VTI1A: variants seen among roughly 807,000 people sequenced by gnomAD.
VTI1A encodes the protein vesicle transport through interaction with t-SNAREs homolog 1A.
Under a neutral mutation model 34.9 loss-of-function variants are expected in VTI1A, and 22 were observed. That is an observed-to-expected ratio of 0.63 (90% confidence interval 0.45 to 0.90). The LOEUF (loss-of-function observed/expected upper bound fraction) is 0.90. Ranked by LOEUF, VTI1A falls within the 40% of genes least tolerant of loss-of-function variation. The pLI, the probability that VTI1A is intolerant of heterozygous loss-of-function variation, is 0.00. For synonymous variants in VTI1A, 87 were observed against 97.3 expected (o/e 0.89, Z 0.62); for missense variants, 268 against 275.6 (o/e 0.97, Z 0.20).
chr10:112,733,369 C>T (rs1850337606), intron 7 of VTI1A, among the ~76,000 whole-genome samples: 1 of 152,134 alleles, frequency 6.6e-6, no homozygotes. Context: ...CAACCCCATG[C>T]CCATTAAACA....
chr10:112,652,541 CA>C (rs960980538), intron 5 of VTI1A, among the ~76,000 whole-genome samples: 63 of 151,810 alleles, frequency 4.1e-4, no homozygotes, highest in Non-Finnish European at 1.2e-4. Context: ...GGCAACATGA[CA>C]AAACCCCATC....
chr10:112,790,208 G>T (rs1284264203), intron 7 of VTI1A, among the ~76,000 whole-genome samples: 2 of 152,006 alleles, frequency 1.3e-5, no homozygotes, highest in African/African-American at 4.8e-5. Flanking sequence ...CCAATGACTG[G>T]GCAGAGATTG....
At chr10:112,700,223 C>A (rs1458417079) in intron 7 of VTI1A, among the ~76,000 whole-genome samples, 1 of 151,234 alleles carries the variant, frequency 6.6e-6, no homozygotes, top group Non-Finnish European at 1.5e-5. Context: ...CTTAAGAACT[C>A]TGCCAAAAAT....
chr10:112,754,418 A>G (rs1401544299), intron 7 of VTI1A, among the ~76,000 whole-genome samples: 1 of 152,192 alleles, frequency 6.6e-6, no homozygotes, highest in African/African-American at 2.4e-5. Flanking sequence ...CAGTGCTCCC[A>G]GGAAGTTTCT....
At chr10:112,464,306 A>G (rs1445415135) in intron 2 of VTI1A, among the ~76,000 whole-genome samples, 2 of 152,246 alleles carry the variant, frequency 1.3e-5, no homozygotes, top group East Asian at 3.8e-4. Context: ...CCAAATGTAT[A>G]TGTTTTAACA....
intron 3 of VTI1A, among the ~76,000 whole-genome samples, chr10:112,505,381 G>C (rs1849390865): frequency 6.6e-6 from 1 of 152,034 alleles, no homozygotes; most frequent in South Asian, 2.1e-4. Context: ...TTGCAATTCA[G>C]TTTATTCTCT....
chr10:112,682,614 C>G, intron 7 of VTI1A, among the ~76,000 whole-genome samples: 1 of 152,310 alleles, frequency 6.6e-6, no homozygotes, highest in East Asian at 1.9e-4. Flanking sequence ...TCCTTAAGAA[C>G]TTTTGCTAAG....
intron 7 of VTI1A, among the ~76,000 whole-genome samples, chr10:112,682,914 G>A (rs938719809): frequency 6.6e-6 from 1 of 152,250 alleles, no homozygotes; most frequent in East Asian, 1.9e-4. Flanking sequence ...CAGATGGCTG[G>A]AGGGGGTGCC....
chr10:112,849,451 G>A, the VTI1A span, among the ~76,000 whole-genome samples: 1 of 152,190 alleles, frequency 6.6e-6, no homozygotes, highest in Non-Finnish European at 1.5e-5. Context: ...TTCCTCCACA[G>A]TGAAATAGAC....
At chr10:112,518,581 C>CTATATATATA (rs1208931745) in intron 3 of VTI1A, among the ~76,000 whole-genome samples, 2 of 84,230 alleles carry the variant, frequency 2.4e-5, no homozygotes, top group East Asian at 8.1e-4. Flanking sequence ...CTCTCTCTCT[C>CTATATATATA]TCTCTCTCTA....
intron 3 of VTI1A, among the ~76,000 whole-genome samples, chr10:112,498,845 T>G (rs1849121635): frequency 6.6e-6 from 1 of 152,206 alleles, no homozygotes; most frequent in African/African-American, 2.4e-5. Context: ...AGGTGCTCTA[T>G]TCAGGTAGCC....
chr10:112,566,980 A>G (rs1851925344), intron 5 of VTI1A, among the ~76,000 whole-genome samples: 1 of 152,192 alleles, frequency 6.6e-6, no homozygotes, highest in Admixed American at 6.5e-5. Flanking sequence ...CTAGTGCAAC[A>G]TATTTTTTGT....
At chr10:112,564,004 G>A (rs1851817890) in intron 5 of VTI1A, among the ~76,000 whole-genome samples, 1 of 151,834 alleles carries the variant, frequency 6.6e-6, no homozygotes, top group South Asian at 2.1e-4. Context: ...ACATCATAAA[G>A]TTTATTTTAA....
intron 7 of VTI1A, among the ~76,000 whole-genome samples, chr10:112,740,036 G>A (rs1186525375): frequency 6.6e-6 from 1 of 152,202 alleles, no homozygotes; most frequent in Non-Finnish European, 1.5e-5. Context: ...AAAATTTGCA[G>A]CTTTGAATGC....
chr10:112,830,285 C>T, the VTI1A span, among the ~76,000 whole-genome samples: 5 of 152,088 alleles, frequency 3.3e-5, no homozygotes, highest in Admixed American at 3.3e-4. Flanking sequence ...CTGACGCCTA[C>T]CCCTGGCCAG....
At chr10:112,776,504 C>T (rs1245004993) in intron 7 of VTI1A, among the ~76,000 whole-genome samples, 1 of 152,106 alleles carries the variant, frequency 6.6e-6, no homozygotes, top group Non-Finnish European at 1.5e-5. Flanking sequence ...TATCTCACAG[C>T]TGCTGTCTGA....
At position 112,548,772 on chromosome 10, in the gene VTI1A, G is replaced by A. The variant is rs1048141892; in HGVS notation, c.427+10442G>A. The A allele has an allele frequency of 5.0e-5, 74 of 1,480,154 alleles. 1 individual carries two copies. The highest frequency in any genetic ancestry group is 6.0e-5 in the Non-Finnish European group (66 of 1,094,750). The allele number at this position is 1,480,154 out of a possible 1,614,324, so 91.7% of individuals were successfully genotyped here. ...GAGATGGATAGTCTGAGAAGCTCTC[G>A]ACACACATGGGCTTGCCAGGAACCA... On this transcript the variant is annotated intron_variant, in intron 5 of 7. Transcript: ENST00000393077.
chr10:112,605,773 A>T (rs1845054265), intron 5 of VTI1A, among the ~76,000 whole-genome samples: 1 of 152,166 alleles, frequency 6.6e-6, no homozygotes. Flanking sequence ...GGATGTGAGT[A>T]AAATAGGCCA....
At chr10:112,454,773 A>T (rs1419488297) in intron 1 of VTI1A, among the ~76,000 whole-genome samples, 1 of 151,838 alleles carries the variant, frequency 6.6e-6, no homozygotes, top group Non-Finnish European at 1.5e-5. Context: ...TATATAATAC[A>T]TATAGCAGTT....
Sources: gnomAD v4.1 joint callset for allele counts (sites outside exome capture counted in the v4.1 genomes callset) on GRCh38, gnomAD v4.1.1 for gene constraint, MANE v1.5 for transcripts, NCBI Gene and HGNC (gene_info 2026-07-23, HGNC 2026-07-21) for gene names.